KLHL1: variants seen among roughly 807,000 people sequenced by gnomAD.
The protein encoded by KLHL1 is kelch like family member 1.
KLHL1 carries 47 observed loss-of-function variants against 77.7 expected under a neutral mutation model. The ratio of observed to expected loss-of-function variants is 0.60; its 90% confidence interval spans 0.48 to 0.77. The LOEUF is 0.77. Among genes scored for constraint, KLHL1 ranks in the 30% least tolerant of loss-of-function variants. KLHL1 has a pLI of 0.00. For missense variants in KLHL1, 925 were observed against 910.8 expected (o/e 1.02, Z -0.20); for synonymous variants, 360 against 325.2 (o/e 1.11, Z -1.15).
At chr13:69,935,976 G>T (rs1249265142) in intron 4 of KLHL1, among the ~76,000 whole-genome samples, 1 of 151,898 alleles carries the variant, frequency 6.6e-6, no homozygotes, top group Non-Finnish European at 1.5e-5. Context: ...TAGTCACAAA[G>T]AAATAAAAAT....
intron 5 of KLHL1, among the ~76,000 whole-genome samples, chr13:69,854,344 A>G (rs1399928755): frequency 2.0e-5 from 3 of 151,958 alleles, no homozygotes; most frequent in Non-Finnish European, 4.4e-5. Context: ...GAAATGAAGA[A>G]AGAGAGAGAG....
At chr13:69,772,096 C>T (rs564496586) in intron 7 of KLHL1, among the ~76,000 whole-genome samples, 15 of 152,160 alleles carry the variant, frequency 9.9e-5, no homozygotes, top group East Asian at 7.7e-4. Context: ...GGATTACAGG[C>T]GCCTGCCACC....
chr13:70,079,771 A>C (rs1887350908), intron 1 of KLHL1, among the ~76,000 whole-genome samples: 1 of 152,188 alleles, frequency 6.6e-6, no homozygotes, highest in African/African-American at 2.4e-5. Context: ...GAAACGAAGC[A>C]TTAGTGATGT....
chr13:69,795,689 AG>A (rs1480449990), intron 7 of KLHL1, among the ~76,000 whole-genome samples: 2 of 152,192 alleles, frequency 1.3e-5, no homozygotes, highest in Non-Finnish European at 2.9e-5. Context: ...CACAAAACCA[AG>A]GCTCAGTTTA....
At chr13:70,080,218 G>A (rs1435462429) in intron 1 of KLHL1, among the ~76,000 whole-genome samples, 1 of 152,068 alleles carries the variant, frequency 6.6e-6, no homozygotes, top group East Asian at 1.9e-4. Context: ...TTGGACCAGG[G>A]AACGAATTTG....
chr13:69,841,418 TAAC>T (rs1391511005), intron 5 of KLHL1, among the ~76,000 whole-genome samples: 2 of 150,430 alleles, frequency 1.3e-5, no homozygotes, highest in African/African-American at 5.0e-5. Context: ...TATATGCTAA[TAAC>T]AATCTAGTTG....
At chr13:69,959,031 A>C (rs1883984393) in intron 3 of KLHL1, among the ~76,000 whole-genome samples, 1 of 152,038 alleles carries the variant, frequency 6.6e-6, no homozygotes, top group Non-Finnish European at 1.5e-5. Flanking sequence ...ATACCTGATA[A>C]ATATTTTCCT....
intron 1 of KLHL1, among the ~76,000 whole-genome samples, chr13:70,042,452 G>T (rs1490994361): frequency 6.6e-6 from 1 of 152,030 alleles, no homozygotes; most frequent in Non-Finnish European, 1.5e-5. Context: ...ATATATACAT[G>T]GTGAGCTCAT....
chr13:69,891,630 C>T (rs1009584737), intron 4 of KLHL1, among the ~76,000 whole-genome samples: 1 of 151,950 alleles, frequency 6.6e-6, no homozygotes, highest in Non-Finnish European at 1.5e-5. Context: ...ACATCATCTC[C>T]TCACCTTGAA....
chr13:70,107,634 G>A lies in KLHL1; in HGVS notation c.66C>T (p.Phe22=). 6.4e-7 allele frequency: 1 copy of A among 1,567,944 alleles called. No individual in the cohort carries two copies. ...CGCCGGTGGAAGGAGACGGGTGGCT[G>A]AAGAGTTTCCAGCGGAGTCGCAGAA... The part of the protein sequence containing the change: ...KHILRLRWKL[F]SHPSPSTGGP... The change falls in exon 1 of 11, where the codon TTC becomes TTT. Residue 22 remains phenylalanine (F), a synonymous_variant. Coordinates refer to ENST00000377844, the MANE Select transcript of KLHL1 (RefSeq NM_020866.3).
intron 1 of KLHL1, among the ~76,000 whole-genome samples, chr13:70,089,390 T>C (rs1887621136): frequency 6.6e-6 from 1 of 152,150 alleles, no homozygotes; most frequent in Non-Finnish European, 1.5e-5. Flanking sequence ...AAGCCTATTT[T>C]AGAGAATGTT....
intron 5 of KLHL1, among the ~76,000 whole-genome samples, chr13:69,881,792 A>G (rs1379788075): frequency 6.6e-6 from 1 of 152,070 alleles, no homozygotes; most frequent in Non-Finnish European, 1.5e-5. Context: ...TTAAATCATA[A>G]CTCTCTACTA....
intron 1 of KLHL1, among the ~76,000 whole-genome samples, chr13:70,018,649 G>T (rs1320285156): frequency 6.6e-6 from 1 of 151,540 alleles, no homozygotes; most frequent in African/African-American, 2.4e-5. Flanking sequence ...TTGTTAAAAC[G>T]TGGAGTTAAA....
intron 6 of KLHL1, among the ~76,000 whole-genome samples, chr13:69,810,290 A>C (rs1179537362): frequency 1.3e-5 from 2 of 152,160 alleles, no homozygotes; most frequent in African/African-American, 4.8e-5. Flanking sequence ...ATGCTTAGCC[A>C]TAAAGCAAGT....
intron 1 of KLHL1, among the ~76,000 whole-genome samples, chr13:70,022,751 C>A (rs1404108187): frequency 6.6e-6 from 1 of 151,696 alleles, no homozygotes; most frequent in Admixed American, 6.6e-5. Context: ...ATGCTACCAT[C>A]TGAAAAGGAA....
At chr13:69,925,334 A>C (rs1422831836) in intron 4 of KLHL1, among the ~76,000 whole-genome samples, 2 of 152,202 alleles carry the variant, frequency 1.3e-5, no homozygotes, top group East Asian at 1.9e-4. Context: ...TATTAGGATG[A>C]AAACAGTTAA....
chr13:69,797,679 A>T (rs969784143), intron 6 of KLHL1, among the ~76,000 whole-genome samples: 1 of 142,958 alleles, frequency 7.0e-6, no homozygotes, highest in Non-Finnish European at 1.5e-5. Context: ...AAAAAAAAAA[A>T]TTAGCTGGGC....
chr13:70,003,892 A>G (rs1331531239), intron 1 of KLHL1, among the ~76,000 whole-genome samples: 3 of 151,832 alleles, frequency 2.0e-5, no homozygotes, highest in African/African-American at 7.2e-5. Context: ...GAACTGGATC[A>G]CATCAAATTT....
Position 70,089,126 on chromosome 13 carries a change from G to T in KLHL1, c.497+18077C>A, listed in dbSNP as rs554765264. Among the ~76,000 whole-genome samples, 8 of 152,212 alleles carry T rather than the reference G, an allele frequency of 5.3e-5. No individual in the cohort carries two copies. In the East Asian group the frequency reaches 1.4e-3, roughly 26 times the overall value. On this transcript the variant is annotated intron_variant, in intron 1 of 10. Transcript: ENST00000377844. The stretch of plus-strand genomic sequence containing the variant: ...ATTGTTAATCAACATAAGAATGGGT[G>T]GGGGGTGGAATCTGTTGCTATTACT...
Sources: gnomAD v4.1 joint callset for allele counts (sites outside exome capture counted in the v4.1 genomes callset) on GRCh38, gnomAD v4.1.1 for gene constraint, MANE v1.5 for transcripts, NCBI Gene and HGNC (gene_info 2026-07-23, HGNC 2026-07-21) for gene names.